The following RAI1 variants were observed in gnomAD, a reference collection of about 807,000 sequenced individuals.
The protein encoded by RAI1 is retinoic acid induced 1.
Under a neutral mutation model 123.8 loss-of-function variants are expected in RAI1, and 9 were observed. The observed-to-expected ratio is 0.07, with a 90% CI of 0.04 to 0.13. The LOEUF is 0.13. Among genes scored for constraint, RAI1 ranks in the 10% least tolerant of loss-of-function variants. RAI1 has a pLI of 1.00. For missense variants in RAI1, 2,256 were observed against 2,545.8 expected, an observed-to-expected ratio of 0.89 and a Z score of 2.45; for synonymous variants, 1,231 against 1,127.3, an observed-to-expected ratio of 1.09 and a Z score of -1.84.
Position 17,790,131 on chromosome 17 carries a change from T to TC in RAI1, c.-16-2800dup, listed in dbSNP as rs144982485. Among the ~76,000 whole-genome samples the TC allele has an allele frequency of 2.9e-3, 434 of 152,194 alleles. 4 individuals are homozygous for TC. The highest frequency in any genetic ancestry group is 9.6e-3 in the African/African-American group (398 of 41,538). On this transcript the variant is annotated intron_variant, in intron 2 of 5. Transcript: ENST00000353383. The stretch of plus-strand genomic sequence containing the variant: ...TGCCTGCCTCGCCTTCTGTGTCCTG[T>TC]CCTAGTGCTCTTGAAAAGTAATCAT...
chr17:17,699,112 G>C (rs1915131043), intron 1 of RAI1, among the ~76,000 whole-genome samples: 1 of 152,212 alleles, frequency 6.6e-6, no homozygotes, highest in Non-Finnish European at 1.5e-5. Context: ...TTGCTGTGTG[G>C]CCTCAGGCAA....
At chr17:17,724,454 C>T (rs1437066208) in intron 2 of RAI1, among the ~76,000 whole-genome samples, 1 of 122,890 alleles carries the variant, frequency 8.1e-6, no homozygotes, top group Non-Finnish European at 1.6e-5. Context: ...TTTGGTTGTG[C>T]TGGGGATTCC....
intron 2 of RAI1, among the ~76,000 whole-genome samples, chr17:17,761,787 C>T (rs527836014): frequency 6.6e-6 from 1 of 152,194 alleles, no homozygotes; most frequent in African/African-American, 2.4e-5. Flanking sequence ...GAGGCAGGGA[C>T]AGTGTCTGAT....
At chr17:17,734,883 A>G (rs1916379733) in intron 2 of RAI1, among the ~76,000 whole-genome samples, 1 of 152,178 alleles carries the variant, frequency 6.6e-6, no homozygotes, top group South Asian at 2.1e-4. Context: ...TCCAGGCCCC[A>G]TTCCCCAAGA....
chr17:17,778,681 G>A (rs1018853050), intron 2 of RAI1: 4 of 456,116 alleles, frequency 8.8e-6, no homozygotes, highest in African/African-American at 2.0e-5. Flanking sequence ...TGGCTGTGGT[G>A]AATCTGACCT....
Position 17,797,333 on chromosome 17 carries a change from C to T in RAI1, c.4385C>T (p.Pro1462Leu), listed in dbSNP as rs886911867. 20 of 1,612,226 alleles carry T rather than the reference C, an allele frequency of 1.2e-5. No individual in the cohort carries two copies. The highest frequency in any genetic ancestry group is 2.2e-5 in the East Asian group (1 of 44,868). Reference sequence around the variant, plus strand: ...GGGGCCCATGGACTCTCCAAAGGCCCGCTGGAGAAGCGGCCCTATCTTGGC... The same window carrying T: ...GGGGCCCATGGACTCTCCAAAGGCCTGCTGGAGAAGCGGCCCTATCTTGGC... ...RAGAHGLSKGPLEKRPYLGPA... is the reference protein window; with the variant it reads ...RAGAHGLSKGLLEKRPYLGPA... The change falls in exon 3 of 6, where the codon CCG becomes CTG. Residue 1462 changes from proline (P) to leucine (L), a missense_variant. Around this residue, in one of 7 missense-constraint regions of RAI1, gnomAD observed 410 missense variants for 374.6 expected, o/e 1.09. Coordinates refer to ENST00000353383, the MANE Select transcript of RAI1 (RefSeq NM_030665.4).
At chr17:17,691,671 CGGG>C (rs1263637626) in intron 1 of RAI1, among the ~76,000 whole-genome samples, 2 of 152,044 alleles carry the variant, frequency 1.3e-5, no homozygotes, top group African/African-American at 4.8e-5. Flanking sequence ...GGCCTGGCCT[CGGG>C]GGGCCCAGGA....
chr17:17,794,349 C>G lies in RAI1; in HGVS notation c.1401C>G (p.Asn467Lys), dbSNP rs2032147221. ...TGCCGCAGAAGAAAGGTGTCAAGAACCTCGTGTCCAGGACCCCAGAGCAGC... is the reference window on the plus strand; with the variant it reads ...TGCCGCAGAAGAAAGGTGTCAAGAAGCTCGTGTCCAGGACCCCAGAGCAGC... ...AAVPQKKGVK[N>K]LVSRTPEQHK... is the part of the protein sequence containing the mutation. The change falls in exon 3 of 6, where the codon AAC (asparagine) becomes AAG (lysine). Residue 467 changes from asparagine to lysine, a missense_variant. By Grantham distance (94) the Asn-to-Lys change is moderately conservative. Around this residue, in one of 7 missense-constraint regions of RAI1, gnomAD observed 357 missense variants for 480.2 expected, o/e 0.74. Coordinates refer to ENST00000353383, the MANE Select transcript of RAI1 (RefSeq NM_030665.4). The G allele has an allele frequency of 1.2e-6, 2 of 1,613,114 alleles. No homozygotes were observed. Among genetic ancestry groups the G allele is most frequent in the Non-Finnish European group, 1.7e-6 (2 of 1,180,036 alleles).
Position 17,796,396 on chromosome 17 carries a change from A to G in RAI1, c.3448A>G (p.Thr1150Ala). Residue 1150 changes from threonine to alanine, a missense_variant, in exon 3 of 6, where the codon ACC (threonine) becomes GCC (alanine). Transcript: ENST00000353383. This position sits in a 1 kb window ranked among gnomAD's most constrained non-coding sequence, Gnocchi z 5.8. ...GCGCTCCATGATCCTTCGGTCACGC[A>G]CCAAAACCCAGGAGATCTTCCACTC... ...DQRSMILRSR[T>A]KTQEIFHSKR... is the part of the protein sequence containing the mutation. 6.2e-7 allele frequency: 1 copy of G among 1,613,638 alleles called. No individual in the cohort carries two copies. Among genetic ancestry groups the G allele is most frequent in the Non-Finnish European group, 8.5e-7 (1 of 1,179,996 alleles).
At chr17:17,776,083 C>T (rs544578565) in intron 2 of RAI1, among the ~76,000 whole-genome samples, 1 of 152,200 alleles carries the variant, frequency 6.6e-6, no homozygotes, top group Non-Finnish European at 1.5e-5. Flanking sequence ...TTTCCTCATC[C>T]GTAAAATGGG....
intron 1 of RAI1, among the ~76,000 whole-genome samples, chr17:17,699,300 G>C (rs1813332308): frequency 6.6e-6 from 1 of 152,210 alleles, no homozygotes; most frequent in South Asian, 2.1e-4. Flanking sequence ...CACTGCCCCA[G>C]GGGACGCCTG....
intron 2 of RAI1, among the ~76,000 whole-genome samples, chr17:17,753,357 G>A (rs1043575390): frequency 2.6e-5 from 4 of 152,176 alleles, no homozygotes; most frequent in Non-Finnish European, 5.9e-5. Flanking sequence ...GTTGGAGTGG[G>A]GGTTGGAGTG....
intron 1 of RAI1, among the ~76,000 whole-genome samples, chr17:17,712,021 A>T (rs1567840727): frequency 6.6e-6 from 1 of 152,252 alleles, no homozygotes. Context: ...TGATTCTCAA[A>T]TGCTGGCTCC....
intron 4 of RAI1, among the ~76,000 whole-genome samples, chr17:17,804,507 CA>C: frequency 6.6e-6 from 1 of 152,326 alleles, no homozygotes; most frequent in East Asian, 1.9e-4. Flanking sequence ...CTTTATCGAC[CA>C]GGTGGGGAAA....
chr17:17,694,872 T>G lies in RAI1; in HGVS notation c.-149+13079T>G, dbSNP rs1437543606. On this transcript the variant is annotated intron_variant, in intron 1 of 5. Coordinates refer to ENST00000353383, the MANE Select transcript of RAI1 (RefSeq NM_030665.4). Reference sequence around the variant, plus strand: ...GCCCCGCCCCCTGGCGGATCCCGGGTCTTTTTCCGGGAACGCGGGGGCTTC... The same window carrying G: ...GCCCCGCCCCCTGGCGGATCCCGGGGCTTTTTCCGGGAACGCGGGGGCTTC... Among the ~76,000 whole-genome samples the G allele has an allele frequency of 2.0e-5, 3 of 151,332 alleles. No individual in the cohort carries two copies. In the East Asian group the frequency reaches 5.8e-4, roughly 29 times the overall value.
At chr17:17,757,596 T>A (rs1465517931) in intron 2 of RAI1, among the ~76,000 whole-genome samples, 1 of 151,624 alleles carries the variant, frequency 6.6e-6, no homozygotes, top group Admixed American at 6.6e-5. Context: ...GGCTGCCGCC[T>A]CTTCTCGGAG....
intron 1 of RAI1, among the ~76,000 whole-genome samples, chr17:17,695,536 T>C (rs1053422046): frequency 1.3e-5 from 2 of 151,568 alleles, no homozygotes; most frequent in African/African-American, 4.8e-5. Context: ...TCTCTCTTTT[T>C]TTTTTTTTGA....
At chr17:17,807,246 C>CGGGGGGGGGG (rs1567939415) in intron 4 of RAI1, among the ~76,000 whole-genome samples, 1 of 2,358 alleles carries the variant, frequency 4.2e-4, no homozygotes, top group Non-Finnish European at 9.8e-4. Flanking sequence ...GCCAGCCAGG[C>CGGGGGGGGGG]GGTGGGGGGG....
intron 2 of RAI1, among the ~76,000 whole-genome samples, chr17:17,786,959 G>T (rs1418529608): frequency 6.6e-6 from 1 of 152,196 alleles, no homozygotes; most frequent in Admixed American, 6.5e-5. Context: ...TGTAATCCCA[G>T]CTACCCGGGA....
Sources: gnomAD v4.1 joint callset for allele counts (sites outside exome capture counted in the v4.1 genomes callset) on GRCh38, gnomAD v4.1.1 for gene constraint, gnomAD v4.1.1 regional missense constraint, Gnocchi (gnomAD v3.1) non-coding constraint, MANE v1.5 for transcripts, NCBI Gene and HGNC (gene_info 2026-07-23, HGNC 2026-07-21) for gene names.